ADRA1A: variants seen among roughly 807,000 people sequenced by gnomAD.
ADRA1A encodes alpha-1A adrenergic receptor.
In ADRA1A, 31 loss-of-function variants were observed where a neutral mutation model predicts 29.6. The observed-to-expected ratio is 1.05, with a 90% confidence interval of 0.79 to 1.41. ADRA1A has a LOEUF of 1.41. Among genes scored for constraint, ADRA1A ranks in the 40% most tolerant of loss-of-function variants. The pLI is 0.00. For missense variants in ADRA1A, 619 were observed against 601.1 expected, an observed-to-expected ratio of 1.03 and a Z score of -0.31; for synonymous variants, 311 against 254.3, an observed-to-expected ratio of 1.22 and a Z score of -2.12.
rs1351652079 is a variant in ADRA1A, at chr8:26,848,323, C to T, written c.883+15764G>A. ...CAAATCCACATGTTGAAACCCTAAC[C>T]ACCAGTGTGATGGTGTTAGGAGGTG... On this transcript the variant is annotated intron_variant, in intron 2 of 2. Transcript: ENST00000380573. The surrounding 1 kb of genome is among the most constrained non-coding windows in gnomAD (Gnocchi z 4.3). Among the ~76,000 whole-genome samples, 2 of 152,192 alleles carry T rather than the reference C, an allele frequency of 1.3e-5. No homozygotes were observed. Among genetic ancestry groups the T allele is most frequent in the Non-Finnish European group, 2.9e-5 (2 of 68,040 alleles).
intron 2 of ADRA1A, among the ~76,000 whole-genome samples, chr8:26,829,249 G>C (rs1810803563): frequency 2.0e-5 from 3 of 152,106 alleles, no homozygotes; most frequent in Admixed American, 2.0e-4. Flanking sequence ...TATAAAGAGA[G>C]AGAGAAATAT....
At chr8:26,770,687 T>C (rs200097716) in intron 2 of ADRA1A, 21 bp from the exon 3 acceptor site, 3 of 1,567,578 alleles carry the variant, frequency 1.9e-6, no homozygotes, top group Admixed American at 3.7e-5. Context: ...ACACACAGAT[T>C]TATACATATT....
chr8:26,816,110 G>C (rs1000954953), intron 2 of ADRA1A, among the ~76,000 whole-genome samples: 2 of 152,172 alleles, frequency 1.3e-5, no homozygotes, highest in African/African-American at 4.8e-5. Flanking sequence ...GTGTAGGCCT[G>C]AGGGCGTGGG....
At chr8:26,763,027 CA>C (rs752534367), downstream of ADRA1A, among the ~76,000 whole-genome samples, 4 of 151,200 alleles carry the variant, frequency 2.6e-5, no homozygotes, top group Non-Finnish European at 5.9e-5. This position sits in a 1 kb window ranked among gnomAD's most constrained non-coding sequence, Gnocchi z 4.5. Context: ...TCCAGTTAGT[CA>C]AAGGAAAAGG....
chr8:26,841,903 T>A lies in ADRA1A; in HGVS notation c.883+22184A>T, dbSNP rs1811841924. On this transcript the variant is annotated intron_variant, in intron 2 of 2. Transcript: ENST00000380573. The surrounding 1 kb of genome is among the most constrained non-coding windows in gnomAD (Gnocchi z 4.4). ...TCTTCTTTTTGTTGCCAGGATTTTATGCTGTGGTGAGTCTCCCACTTTTCC... is the reference window on the plus strand; with the variant it reads ...TCTTCTTTTTGTTGCCAGGATTTTAAGCTGTGGTGAGTCTCCCACTTTTCC... Among the ~76,000 whole-genome samples the A allele has an allele frequency of 2.0e-5, 3 of 152,232 alleles. No individual in the cohort carries two copies. In the South Asian group the frequency reaches 6.2e-4, roughly 31 times the overall value.
rs1480043077 is a variant in ADRA1A at position 26,860,444 on chromosome 8, C to T, written c.883+3643G>A. Among the ~76,000 whole-genome samples, 1 of 152,110 alleles carries T rather than the reference C, an allele frequency of 6.6e-6. No individual in the cohort carries two copies. Among genetic ancestry groups the T allele is most frequent in the Non-Finnish European group, 1.5e-5 (1 of 68,024 alleles). On this transcript the variant is annotated intron_variant, in intron 2 of 2. Transcript: ENST00000380573. This position sits in a 1 kb window ranked among gnomAD's most constrained non-coding sequence, Gnocchi z 4.7. ...TCCTGTATCCCTCAGCTGCTTAGCT[C>T]TTAGAGAAAAACACACAACCCTCCT... is the stretch of plus-strand genomic sequence containing the variant.
rs1041973918 is a variant in ADRA1A, at chr8:26,862,072, T to G, written c.883+2015A>C. ...ATTAGAATAATATGCAAACTTTACT[T>G]TGGCCTGAAAGACCCCATATGACTT... On this transcript the variant is annotated intron_variant, in intron 2 of 2. Transcript: ENST00000380573. Among the ~76,000 whole-genome samples, 30 of 152,194 alleles carry G rather than the reference T, an allele frequency of 2.0e-4. 1 individual carries two copies.
Position 26,787,286 on chromosome 8 carries a change from T to C in ADRA1A, c.884-16620A>G, listed in dbSNP as rs1807464459. Among the ~76,000 whole-genome samples the C allele has an allele frequency of 6.6e-6, 1 of 152,152 alleles. No individual in the cohort carries two copies. ...AAGAAAATTAATCACACATTCCATG[T>C]CCTATTTTTTCAGAAAGCAGAGACA... On this transcript the variant is annotated intron_variant, in intron 2 of 2. Coordinates refer to ENST00000380573, the MANE Select transcript of ADRA1A (RefSeq NM_000680.4). The surrounding 1 kb of genome is among the most constrained non-coding windows in gnomAD (Gnocchi z 4.2).
chr8:26,838,880 T>G (rs570935711), intron 2 of ADRA1A, among the ~76,000 whole-genome samples: 2 of 152,284 alleles, frequency 1.3e-5, no homozygotes, highest in African/African-American at 4.8e-5. Flanking sequence ...AAACCACCAG[T>G]GTGTCCTCTA....
At chr8:26,824,676 G>A (rs1810420398) in intron 2 of ADRA1A, among the ~76,000 whole-genome samples, 1 of 152,042 alleles carries the variant, frequency 6.6e-6, no homozygotes, top group African/African-American at 2.4e-5. Flanking sequence ...AATAAAGAGT[G>A]CAGACAGGGC....
intron 2 of ADRA1A, among the ~76,000 whole-genome samples, chr8:26,849,253 T>A (rs573372550): frequency 6.6e-6 from 1 of 152,336 alleles, no homozygotes; most frequent in South Asian, 2.1e-4. Flanking sequence ...TTCTCAGGAA[T>A]AGCCCCAGGG....
At chr8:26,791,313 T>C (rs1220558805) in intron 2 of ADRA1A, among the ~76,000 whole-genome samples, 2 of 152,208 alleles carry the variant, frequency 1.3e-5, no homozygotes, top group Non-Finnish European at 2.9e-5. Flanking sequence ...AGTATTTTCT[T>C]AAGTTACATT....
rs1170903824 is a variant in ADRA1A at position 26,805,224 on chromosome 8, G to A, written c.884-34558C>T. 2.0e-5 allele frequency among the ~76,000 whole-genome samples: 3 copies of A among 152,128 alleles called. No homozygotes were observed. Among genetic ancestry groups the A allele is most frequent in the East Asian group, 1.9e-4 (1 of 5,192 alleles). On this transcript the variant is annotated intron_variant, in intron 2 of 2. Coordinates refer to ENST00000380573, the MANE Select transcript of ADRA1A (RefSeq NM_000680.4). This position sits in a 1 kb window ranked among gnomAD's most constrained non-coding sequence, Gnocchi z 4.8. Reference sequence around the variant, plus strand: ...CCTACCTGGCTCTTCACGTGAAGTCGCCTTCCTCATTTGTCCACTCTCAAT... The same window carrying A: ...CCTACCTGGCTCTTCACGTGAAGTCACCTTCCTCATTTGTCCACTCTCAAT...
At chr8:26,797,987 C>CTTTTTT (rs35607881) in intron 2 of ADRA1A, among the ~76,000 whole-genome samples, 1 of 148,484 alleles carries the variant, frequency 6.7e-6, no homozygotes, top group African/African-American at 2.5e-5. Context: ...GTAAGTTAGT[C>CTTTTTT]TTTTTTTTTT....
chr8:26,752,502 G>A (rs117733039), downstream of ADRA1A, among the ~76,000 whole-genome samples: 7 of 152,268 alleles, frequency 4.6e-5, 1 homozygote, highest in South Asian at 1.5e-3. Flanking sequence ...ACAGCTGCCG[G>A]CATTTACCTA....
chr8:26,847,183 A>C (rs990528045), intron 2 of ADRA1A, among the ~76,000 whole-genome samples: 4 of 152,198 alleles, frequency 2.6e-5, no homozygotes, highest in Middle Eastern at 3.2e-3. Flanking sequence ...ACTAACCTGC[A>C]CATTGTGCAC....
intron 2 of ADRA1A, among the ~76,000 whole-genome samples, chr8:26,839,472 G>C (rs1242175346): frequency 6.6e-6 from 1 of 151,954 alleles, no homozygotes; most frequent in Admixed American, 6.6e-5. Flanking sequence ...GAAGTTTTTT[G>C]ACTTCCTAAA....
At chr8:26,778,818 T>G in intron 2 of ADRA1A, among the ~76,000 whole-genome samples, 1 of 147,494 alleles carries the variant, frequency 6.8e-6, no homozygotes, top group Non-Finnish European at 1.5e-5. Flanking sequence ...GGGGGAAGGA[T>G]AGCATTAGGA....
intron 2 of ADRA1A, among the ~76,000 whole-genome samples, chr8:26,844,441 G>A (rs1393802673): frequency 1.3e-5 from 2 of 152,124 alleles, no homozygotes; most frequent in Non-Finnish European, 2.9e-5. Flanking sequence ...AAAATAGTGG[G>A]TAGTAATTAC....
Sources: gnomAD v4.1 joint callset for allele counts (sites outside exome capture counted in the v4.1 genomes callset) on GRCh38, gnomAD v4.1.1 for gene constraint, Gnocchi (gnomAD v3.1) non-coding constraint, MANE v1.5 for transcripts, NCBI Gene and HGNC (gene_info 2026-07-23, HGNC 2026-07-21) for gene names.